MAPK6: variants seen among roughly 807,000 people sequenced by gnomAD.
The protein encoded by MAPK6 is mitogen-activated protein kinase 6, also known as ERK-3.
MAPK6 carries 19 observed loss-of-function variants against 59.3 expected under a neutral mutation model. The observed-to-expected ratio is 0.32, with a 90% CI of 0.22 to 0.47. The LOEUF is 0.47. MAPK6 is among the 20% of genes least tolerant of loss of function. The probability of loss-of-function intolerance (pLI) is 1.00; values close to 1 mark genes in which losing one functional copy is unlikely to be tolerated. For missense variants in MAPK6, 724 were observed against 847.9 expected (o/e 0.85, Z 1.81); for synonymous variants, 316 against 290.3 (o/e 1.09, Z -0.90).
rs201094277 is a variant in MAPK6, at chr15:52,064,970, A to G, written c.2136A>G (p.Thr712=). ...CTTCCCCTCAAATTCCTCATCAAAC[A>G]TACAGCAGCATTCTGAAACATCTGA... ...MKSSPQIPHQ[T]YSSILKHLN Residue 712 remains threonine (T), a synonymous_variant, in exon 6 of 6, where the codon ACA becomes ACG. Coordinates refer to ENST00000261845, the MANE Select transcript of MAPK6 (RefSeq NM_002748.4). 1.4e-5 allele frequency: 23 copies of G among 1,609,882 alleles called. No individual in the cohort carries two copies. In the South Asian group the frequency reaches 2.4e-4, roughly 17 times the overall value.
intron 1 of MAPK6, among the ~76,000 whole-genome samples, chr15:52,044,178 G>GT (rs1393582861): frequency 1.3e-5 from 2 of 150,960 alleles, no homozygotes. Flanking sequence ...CTTTTTTTTT[G>GT]GGGGGGCGGG....
intron 1 of MAPK6, among the ~76,000 whole-genome samples, chr15:52,039,310 G>A (rs1237342762): frequency 6.6e-6 from 1 of 151,992 alleles, no homozygotes; most frequent in African/African-American, 2.4e-5. Flanking sequence ...TTGTAATCTG[G>A]TTACAGATTT....
intron 1 of MAPK6, among the ~76,000 whole-genome samples, chr15:52,042,448 C>T (rs2031454390): frequency 6.6e-6 from 1 of 152,054 alleles, no homozygotes. Flanking sequence ...CCACTCTTAC[C>T]TCGTTAAGTG....
intron 3 of MAPK6, among the ~76,000 whole-genome samples, chr15:52,055,833 A>ATGTT (rs1265151162): frequency 1.3e-5 from 2 of 152,216 alleles, no homozygotes; most frequent in African/African-American, 2.4e-5. Flanking sequence ...GTATTTTTAA[A>ATGTT]TGTTTGTTTT....
In MAPK6 at chr15:52,066,261, A is replaced by G. The variant is rs1245907482; in HGVS notation, c.*1261A>G. 1 of 152,262 alleles carries G rather than the reference A, an allele frequency of 6.6e-6. No homozygotes were observed. The highest frequency in any genetic ancestry group is 1.5e-5 in the Non-Finnish European group (1 of 68,028). The allele number at this position is 152,262 out of a possible 1,614,324, so 9.4% of individuals were successfully genotyped here. On this transcript the variant is annotated 3_prime_UTR_variant, in exon 6 of 6. Transcript: ENST00000261845. ...AGGACAAATAAAACATGGCCAGCAAATACAGCTCCTGTTTCACTCTTGGGT... is the reference window on the plus strand; with the variant it reads ...AGGACAAATAAAACATGGCCAGCAAGTACAGCTCCTGTTTCACTCTTGGGT...
Position 52,066,876 on chromosome 15 carries a change from G to A in MAPK6, c.*1876G>A, listed in dbSNP as rs1239452438. The A allele has an allele frequency of 1.3e-5, 2 of 151,760 alleles. No individual in the cohort carries two copies. Among genetic ancestry groups the A allele is most frequent in the African/African-American group, 4.8e-5 (2 of 41,272 alleles). The allele number at this position is 151,760 out of a possible 1,614,324, so 9.4% of individuals were successfully genotyped here. A position where few individuals can be genotyped will look rare whatever the true frequency, so the allele number is the denominator to read the frequency against. On this transcript the variant is annotated 3_prime_UTR_variant, in exon 6 of 6. Coordinates refer to ENST00000261845, the MANE Select transcript of MAPK6 (RefSeq NM_002748.4). Reference sequence around the variant, plus strand: ...TACTCAAATTACCTTAAGAGGACAAGCTCTGAAGTGCAGTCATGAGAATTG... The same window carrying A: ...TACTCAAATTACCTTAAGAGGACAAACTCTGAAGTGCAGTCATGAGAATTG...
chr15:52,004,349 T>C (rs1198545128), exon 3 of MAPK6: 1 of 152,240 alleles, frequency 6.6e-6, no homozygotes, highest in African/African-American at 2.4e-5. Flanking sequence ...GGATTTTTCT[T>C]TGTTAGAAAG....
At chr15:52,047,895 C>A (rs145762253) in intron 2 of MAPK6, among the ~76,000 whole-genome samples, 1 of 152,060 alleles carries the variant, frequency 6.6e-6, no homozygotes, top group Non-Finnish European at 1.5e-5. Context: ...ATAAGTATAG[C>A]CAAAAAGATC....
chr15:52,041,696 C>T (rs1436818890), intron 1 of MAPK6, among the ~76,000 whole-genome samples: 1 of 152,050 alleles, frequency 6.6e-6, no homozygotes, highest in Non-Finnish European at 1.5e-5. Context: ...ATATACCTGC[C>T]CTAAGAGTTA....
intron 1 of MAPK6, among the ~76,000 whole-genome samples, chr15:52,030,446 C>A (rs1291371865): frequency 6.6e-6 from 1 of 152,038 alleles, no homozygotes; most frequent in African/African-American, 2.4e-5. Context: ...ATAATAATTG[C>A]ATTGTACCCA....
intron 2 of MAPK6, among the ~76,000 whole-genome samples, chr15:51,985,128 G>A (rs1211239625): frequency 6.6e-6 from 1 of 152,170 alleles, no homozygotes; most frequent in East Asian, 1.9e-4. Context: ...GATCACTTGA[G>A]CCCAGGAGTT....
intron 1 of MAPK6, among the ~76,000 whole-genome samples, chr15:52,035,001 C>T (rs1367864490): frequency 6.6e-6 from 1 of 152,216 alleles, no homozygotes; most frequent in African/African-American, 2.4e-5. Context: ...TGCGCCTGGC[C>T]TTGTTATCTC....
intron 2 of MAPK6, among the ~76,000 whole-genome samples, chr15:51,997,493 A>C (rs2057228099): frequency 6.6e-6 from 1 of 151,180 alleles, no homozygotes; most frequent in South Asian, 2.1e-4. Context: ...CCTGACCTCA[A>C]GTGATCTACC....
intron 3 of MAPK6, 83 bp from the exon 4 acceptor site, chr15:52,058,550 A>G (rs1374160281): frequency 8.6e-7 from 1 of 1,167,318 alleles, no homozygotes; most frequent in Non-Finnish European, 1.2e-6. Context: ...TGGTCATTAT[A>G]ATATTTAAAT....
chr15:52,065,690 T>C lies in MAPK6; in HGVS notation c.*690T>C, dbSNP rs192442196. ...TTTATTTTAGCAAATCAGTATATTT[T>C]CTGTATTTAATTATAAAAAATTAAC... On this transcript the variant is annotated 3_prime_UTR_variant, in exon 6 of 6. Coordinates refer to ENST00000261845, the MANE Select transcript of MAPK6 (RefSeq NM_002748.4). The C allele has an allele frequency of 3.9e-5, 6 of 152,772 alleles. No individual in the cohort carries two copies. The highest frequency in any genetic ancestry group is 7.4e-5 in the Non-Finnish European group (5 of 68,026). The allele number at this position is 152,772 out of a possible 1,614,324, so 9.5% of individuals were successfully genotyped here.
At chr15:51,972,474 C>T (rs2057135541) in intron 1 of MAPK6, among the ~76,000 whole-genome samples, 1 of 128,570 alleles carries the variant, frequency 7.8e-6, no homozygotes, top group African/African-American at 2.9e-5. Context: ...TTTTAAGTTA[C>T]TAATTCATTT....
intron 2 of MAPK6, among the ~76,000 whole-genome samples, chr15:51,988,509 G>A (rs1334831906): frequency 6.6e-6 from 1 of 152,014 alleles, no homozygotes; most frequent in South Asian, 2.1e-4. Context: ...CACGGCGGGT[G>A]GGTCACAAGG....
At position 52,065,478 on chromosome 15, in the gene MAPK6, ATG is replaced by A. The variant is rs2032380338; in HGVS notation, c.*482_*483del. The stretch of plus-strand genomic sequence containing the variant: ...AAAATGAATGCCGAATTTGGTACAC[ATG>A]TGTTATCTACCTCAAGGTAACAAGA... On this transcript the variant is annotated 3_prime_UTR_variant, in exon 6 of 6. Transcript: ENST00000261845. 6.5e-6 allele frequency: 1 copy of A among 152,876 alleles called. No homozygotes were observed. The highest frequency in any genetic ancestry group is 1.5e-5 in the Non-Finnish European group (1 of 68,536). The allele number at this position is 152,876 out of a possible 1,614,324, so 9.5% of individuals were successfully genotyped here.
At chr15:51,995,668 C>T (rs1340368919) in intron 2 of MAPK6, among the ~76,000 whole-genome samples, 2 of 152,170 alleles carry the variant, frequency 1.3e-5, no homozygotes, top group African/African-American at 4.8e-5. Context: ...TGGCTCATGC[C>T]TGTAATCCCA....
Sources: allele counts gnomAD v4.1 joint callset (sites outside exome capture counted in the v4.1 genomes callset), GRCh38; gene constraint gnomAD v4.1.1; transcripts MANE v1.5; gene names NCBI Gene and HGNC (gene_info 2026-07-23, HGNC 2026-07-21).